EPC2: variants seen among roughly 807,000 people sequenced by gnomAD.
EPC2 encodes enhancer of polycomb 2.
EPC2 carries 14 observed loss-of-function variants against 92.1 expected under a neutral mutation model. That is an observed-to-expected ratio of 0.15 (90% CI 0.10 to 0.24). The LOEUF (loss-of-function observed/expected upper bound fraction) is 0.24, where lower values mean the gene tolerates loss of function less well. Among genes scored for constraint, EPC2 ranks in the 10% least tolerant of loss-of-function variants. The pLI, the probability that EPC2 is intolerant of heterozygous loss-of-function variation, is 1.00. For missense variants in EPC2, 755 were observed against 971.5 expected, an observed-to-expected ratio of 0.78 and a Z score of 2.96; for synonymous variants, 340 against 334.7, an observed-to-expected ratio of 1.02 and a Z score of -0.17.
chr2:148,728,736 T>TC (rs1227744559), intron 2 of EPC2, among the ~76,000 whole-genome samples: 1 of 151,394 alleles, frequency 6.6e-6, no homozygotes, highest in East Asian at 1.9e-4. Context: ...CCTCTTTTTT[T>TC]TTTTTTTAAA....
chr2:148,701,660 A>G (rs1194914615), intron 2 of EPC2, among the ~76,000 whole-genome samples: 3 of 152,094 alleles, frequency 2.0e-5, no homozygotes, highest in Admixed American at 6.6e-5. Flanking sequence ...TTTTGCATGT[A>G]TGTTCATGAG....
At chr2:148,682,751 T>C (rs1681426301) in intron 1 of EPC2, among the ~76,000 whole-genome samples, 1 of 152,200 alleles carries the variant, frequency 6.6e-6, no homozygotes, top group African/African-American at 2.4e-5. Flanking sequence ...GTGGTCATCT[T>C]CTGCAGTTAA....
At chr2:148,758,198 C>T (rs909904352) in intron 4 of EPC2, among the ~76,000 whole-genome samples, 2 of 152,098 alleles carry the variant, frequency 1.3e-5, no homozygotes, top group Non-Finnish European at 2.9e-5. Context: ...GAATAGACAG[C>T]ATTTCCTTAC....
chr2:148,697,711 T>TG (rs1304107092), intron 2 of EPC2, among the ~76,000 whole-genome samples: 2 of 152,172 alleles, frequency 1.3e-5, no homozygotes, highest in African/African-American at 4.8e-5. Flanking sequence ...TTCAAACACA[T>TG]GCATGCATGT....
At chr2:148,646,993 C>G (rs1007232633) in intron 1 of EPC2, among the ~76,000 whole-genome samples, 27 of 152,022 alleles carry the variant, frequency 1.8e-4, no homozygotes, top group African/African-American at 6.5e-4. Flanking sequence ...GCCTGTAATA[C>G]CAGCTACTCG....
At chr2:148,688,352 T>C (rs1681571849) in intron 1 of EPC2, among the ~76,000 whole-genome samples, 1 of 151,850 alleles carries the variant, frequency 6.6e-6, no homozygotes, top group African/African-American at 2.4e-5. Context: ...TAGGTGGGAA[T>C]TGAACAGTGA....
At chr2:148,752,988 A>G (rs1683108083) in intron 3 of EPC2, among the ~76,000 whole-genome samples, 1 of 152,296 alleles carries the variant, frequency 6.6e-6, no homozygotes, top group South Asian at 2.1e-4. Flanking sequence ...ATACAAGTAA[A>G]AAGATTGAGA....
intron 1 of EPC2, 48 bp downstream of exon 1, chr2:148,645,218 C>T (rs1437483633): frequency 5.4e-6 from 8 of 1,474,736 alleles, no homozygotes; most frequent in African/African-American, 4.2e-5. Context: ...TCCCCCCTCC[C>T]CTTTGTCAGT....
Position 148,781,727 on chromosome 2 carries a change from C to T in EPC2, c.1804C>T (p.Gln602Ter). 1 of 1,614,008 alleles carries T rather than the reference C, an allele frequency of 6.2e-7. No individual in the cohort carries two copies. Residue 602 changes from glutamine to a stop codon, truncating the protein, a stop_gained, in exon 11 of 14, where the codon CAG (glutamine) becomes TAG (stop). Coordinates refer to ENST00000258484, the MANE Select transcript of EPC2 (RefSeq NM_015630.4). LOFTEE classifies it high-confidence loss of function. ...QMQRQQLAQL[Q>*]QKQQSQHSSQ... ...GCAAAGGCAGCAACTTGCCCAGCTT[C>T]AGCAGAAACAGCAATCTCAGCATTC...
At chr2:148,710,277 T>A (rs1682109471) in intron 2 of EPC2, among the ~76,000 whole-genome samples, 1 of 152,162 alleles carries the variant, frequency 6.6e-6, no homozygotes, top group Non-Finnish European at 1.5e-5. Flanking sequence ...ATCAGAGAAA[T>A]GCAAATCAAA....
chr2:148,785,389 G>A (rs557589584), intron 13 of EPC2, among the ~76,000 whole-genome samples: 26 of 151,396 alleles, frequency 1.7e-4, no homozygotes, highest in Middle Eastern at 3.4e-3. Flanking sequence ...GTGCAATGGC[G>A]CAATCTCAGC....
At chr2:148,649,092 G>A (rs1016283970) in intron 1 of EPC2, among the ~76,000 whole-genome samples, 4 of 152,182 alleles carry the variant, frequency 2.6e-5, no homozygotes, top group African/African-American at 9.7e-5. Flanking sequence ...AGTGGTAGTT[G>A]ATGTTTTTAC....
chr2:148,682,987 CAT>C (rs1324787496), intron 1 of EPC2, among the ~76,000 whole-genome samples: 2 of 152,128 alleles, frequency 1.3e-5, no homozygotes, highest in East Asian at 1.9e-4. Flanking sequence ...ATAGAAATCA[CAT>C]GTTATATCTG....
chr2:148,675,693 T>G (rs1358284598), intron 1 of EPC2, among the ~76,000 whole-genome samples: 3 of 152,202 alleles, frequency 2.0e-5, no homozygotes, highest in Admixed American at 1.3e-4. Flanking sequence ...CCTGCTCTTT[T>G]CAATTTTAGT....
chr2:148,703,746 G>A lies in EPC2; in HGVS notation c.313+13373G>A, dbSNP rs188950202. ...GGATCTCACTTTATTGCCCATGCTG[G>A]TCTCAAACACCTTGGCTCAAGCAGT... On this transcript the variant is annotated intron_variant, in intron 2 of 13. Coordinates refer to ENST00000258484, the MANE Select transcript of EPC2 (RefSeq NM_015630.4). 2.6e-5 allele frequency among the ~76,000 whole-genome samples: 4 copies of A among 152,168 alleles called. No individual in the cohort carries two copies. The East Asian group carries it at 7.7e-4, about 29-fold the overall frequency.
At chr2:148,656,001 C>CTGTGTTTGTGTGTGTGTGTGTG (rs777687880) in intron 1 of EPC2, among the ~76,000 whole-genome samples, 15 of 59,956 alleles carry the variant, frequency 2.5e-4, no homozygotes, top group African/African-American at 9.0e-4. Flanking sequence ...CTGCTGTTAG[C>CTGTGTTTGTGTGTGTGTGTGTG]TGTGTGTGTG....
intron 1 of EPC2, among the ~76,000 whole-genome samples, chr2:148,662,035 A>G (rs1282301738): frequency 6.6e-6 from 1 of 152,244 alleles, no homozygotes; most frequent in Non-Finnish European, 1.5e-5. Context: ...TCAAAAGAAG[A>G]CATTTATGCA....
At chr2:148,702,148 G>T (rs1317666035) in intron 2 of EPC2, among the ~76,000 whole-genome samples, 3 of 151,816 alleles carry the variant, frequency 2.0e-5, no homozygotes, top group Admixed American at 2.0e-4. Flanking sequence ...CAGAAGTCAG[G>T]TGGCTTGTTT....
intron 4 of EPC2, among the ~76,000 whole-genome samples, chr2:148,761,007 G>A (rs563513667): frequency 6.6e-6 from 1 of 152,240 alleles, no homozygotes; most frequent in East Asian, 1.9e-4. Flanking sequence ...GTAAAGTGAG[G>A]AATCTGTGGA....
Sources: gnomAD v4.1 joint callset for allele counts (sites outside exome capture counted in the v4.1 genomes callset) on GRCh38, gnomAD v4.1.1 for gene constraint, MANE v1.5 for transcripts, NCBI Gene and HGNC (gene_info 2026-07-23, HGNC 2026-07-21) for gene names.